Variants in POMT2 observed in about 807,000 individuals in gnomAD.
POMT2 encodes protein O-mannosyltransferase 2.
A neutral mutation model predicts 100.0 loss-of-function variants in POMT2; 75 were observed. The ratio of observed to expected loss-of-function variants is 0.75; its 90% confidence interval spans 0.62 to 0.91. The LOEUF (loss-of-function observed/expected upper bound fraction) is 0.91, where lower values mean the gene tolerates loss of function less well. Ranked by LOEUF, POMT2 falls within the 40% of genes least tolerant of loss-of-function variation. The pLI, the probability that POMT2 is intolerant of heterozygous loss-of-function variation, is 0.00. For synonymous variants in POMT2, 378 were observed against 374.1 expected (o/e 1.01, Z -0.12); for missense variants, 940 against 955.1 (o/e 0.98, Z 0.21).
chr14:77,316,631 G>A (rs1470335601), intron 1 of POMT2, among the ~76,000 whole-genome samples: 3 of 150,212 alleles, frequency 2.0e-5, no homozygotes, highest in Non-Finnish European at 3.0e-5. Context: ...TTGGTTTTAC[G>A]TGAAGAAGTG....
At chr14:77,301,343 G>A (rs765920186) in intron 5 of POMT2, 94 bp from the exon 6 acceptor site, 256 of 1,518,938 alleles carry the variant, frequency 1.7e-4, no homozygotes, top group Admixed American at 6.2e-4. Flanking sequence ...GACTTGGAGC[G>A]GCTGTGCTGT....
chr14:77,279,768 G>T lies in POMT2; in HGVS notation c.1891+55C>A, dbSNP rs541789974. On this transcript the variant is annotated intron_variant, in intron 18 of 20. Transcript: ENST00000261534. ...AGCAGGCAGCCGGCCCTCCCCAGGGGTGCAGGTGCCCTGCTGCCGCCAGGT... is the reference window on the plus strand; with the variant it reads ...AGCAGGCAGCCGGCCCTCCCCAGGGTTGCAGGTGCCCTGCTGCCGCCAGGT... The T allele has an allele frequency of 6.8e-5, 105 of 1,547,200 alleles. No individual in the cohort carries two copies. In the East Asian group the frequency reaches 2.2e-3, roughly 32 times the overall value.
intron 1 of POMT2, among the ~76,000 whole-genome samples, chr14:77,316,222 T>C (rs949604678): frequency 3.9e-5 from 6 of 152,126 alleles, no homozygotes; most frequent in Non-Finnish European, 5.9e-5. Flanking sequence ...ATTCCCACTT[T>C]GGGGTGGGTC....
intron 20 of POMT2, among the ~76,000 whole-genome samples, chr14:77,278,027 G>C (rs1036759086): frequency 2.0e-5 from 3 of 152,036 alleles, no homozygotes; most frequent in African/African-American, 7.3e-5. Context: ...TTCTGACAGG[G>C]GGCCATGGTG....
intron 18 of POMT2, chr14:77,279,300 G>C: frequency 2.7e-6 from 1 of 368,536 alleles, no homozygotes; most frequent in South Asian, 2.1e-5. Flanking sequence ...AGAGGCAAAA[G>C]GGCCTGTGTG....
chr14:77,304,602 T>C lies in POMT2; in HGVS notation c.547+90A>G, dbSNP rs1350759505. 6.5e-6 allele frequency: 10 copies of C among 1,533,006 alleles called. No individual in the cohort carries two copies. The African/African-American group carries it at 1.2e-4, about 19-fold the overall frequency. 95.0% of individuals were successfully genotyped at this position (1,533,006 alleles called of 1,614,324 possible). A position where few individuals can be genotyped will look rare whatever the true frequency, so the allele number is the denominator to read the frequency against. ...TAAAATTAATTGAACTGGACCCACA[T>C]ATAGGGCCCTTGAATGTACTGATTT... On this transcript the variant is annotated intron_variant, in intron 4 of 20. Coordinates refer to ENST00000261534, the MANE Select transcript of POMT2 (RefSeq NM_013382.7).
intron 9 of POMT2, among the ~76,000 whole-genome samples, chr14:77,293,576 C>T (rs1315706130): frequency 7.2e-5 from 11 of 152,156 alleles, no homozygotes; most frequent in Admixed American, 7.2e-4. Context: ...TAAAAACATT[C>T]TAAAATAGAG....
In POMT2 at chr14:77,296,293, C is replaced by T. The variant is rs376968799; in HGVS notation, c.1007-20G>A. The T allele has an allele frequency of 4.5e-6, 7 of 1,544,756 alleles. No homozygotes were observed. The African/African-American group carries it at 9.5e-5, about 21-fold the overall frequency. Reference sequence around the variant, plus strand: ...CCAGGTCTGGGAGGAAGGGAGACAGCAGAGGGGTGAGCTGGCACAGTGCCA... The same window carrying T: ...CCAGGTCTGGGAGGAAGGGAGACAGTAGAGGGGTGAGCTGGCACAGTGCCA... On this transcript the variant is annotated intron_variant, in intron 8 of 20. Transcript: ENST00000261534.
At chr14:77,311,812 G>T in intron 2 of POMT2, 137 bp downstream of exon 2, 2 of 1,386,002 alleles carry the variant, frequency 1.4e-6, no homozygotes, top group Non-Finnish European at 1.9e-6. Context: ...GAAAGTAGCT[G>T]GTCTGAAATG....
intron 11 of POMT2, chr14:77,287,100 G>C: frequency 2.1e-6 from 1 of 469,824 alleles, no homozygotes; most frequent in Non-Finnish European, 3.7e-6. Flanking sequence ...GGGAGGTGGG[G>C]GGCGACTTTC....
chr14:77,302,549 G>A (rs1022072060), intron 5 of POMT2, among the ~76,000 whole-genome samples: 5 of 152,054 alleles, frequency 3.3e-5, no homozygotes, highest in Admixed American at 1.3e-4. Context: ...CTACCCAATT[G>A]TACTCCATTG....
intron 1 of POMT2, 89 bp from the exon 2 acceptor site, chr14:77,312,122 T>C (rs1891457714): frequency 6.5e-7 from 1 of 1,529,342 alleles, no homozygotes; most frequent in African/African-American, 1.4e-5. Flanking sequence ...AATTAAAGGC[T>C]ATGCATTTCA....
intron 15 of POMT2, among the ~76,000 whole-genome samples, chr14:77,281,630 A>C (rs1474848017): frequency 6.6e-6 from 1 of 152,184 alleles, no homozygotes; most frequent in Non-Finnish European, 1.5e-5. Context: ...CCAGAAGGGG[A>C]GTCAGCTGCC....
chr14:77,300,383 AG>A (rs1413719612), intron 6 of POMT2: 1 of 154,862 alleles, frequency 6.5e-6, no homozygotes, highest in African/African-American at 2.4e-5. Context: ...CCTACCTCAT[AG>A]GACTATTATG....
intron 8 of POMT2, among the ~76,000 whole-genome samples, chr14:77,296,993 A>G (rs1355284576): frequency 6.6e-6 from 1 of 152,216 alleles, no homozygotes; most frequent in Non-Finnish European, 1.5e-5. Context: ...CACACTGACA[A>G]GTATAGGACA....
chr14:77,305,689 G>C (rs1296510568), intron 3 of POMT2, among the ~76,000 whole-genome samples: 1 of 152,244 alleles, frequency 6.6e-6, no homozygotes, highest in Non-Finnish European at 1.5e-5. Flanking sequence ...CTGGAGGTCA[G>C]CTTCTGCTGG....
chr14:77,304,670 T>G, intron 4 of POMT2, 22 bp downstream of exon 4: 1 of 1,565,782 alleles, frequency 6.4e-7, no homozygotes, highest in Non-Finnish European at 8.7e-7. Context: ...CCAAAAGCCA[T>G]GGTATGGCTA....
chr14:77,292,197 C>G (rs1387241441), intron 9 of POMT2, among the ~76,000 whole-genome samples: 1 of 152,092 alleles, frequency 6.6e-6, no homozygotes, highest in Non-Finnish European at 1.5e-5. Flanking sequence ...GTATGACTGT[C>G]TAGTAATAGA....
intron 16 of POMT2, 94 bp downstream of exon 16, chr14:77,280,298 T>C (rs1358157699): frequency 1.3e-6 from 2 of 1,587,852 alleles, no homozygotes; most frequent in Non-Finnish European, 1.7e-6. Flanking sequence ...CCCCTCGCCC[T>C]GCCGCCCTAG....
Sources: allele counts gnomAD v4.1 joint callset (sites outside exome capture counted in the v4.1 genomes callset), GRCh38; gene constraint gnomAD v4.1.1; transcripts MANE v1.5; gene names NCBI Gene and HGNC (gene_info 2026-07-23, HGNC 2026-07-21).